The following DERL1 variants were observed in gnomAD, a reference collection of about 807,000 sequenced individuals.
DERL1 encodes derlin 1.
DERL1 carries 24 observed loss-of-function variants against 41.6 expected under a neutral mutation model. That is an observed-to-expected ratio of 0.58 (90% CI 0.42 to 0.81). The LOEUF (loss-of-function observed/expected upper bound fraction) is 0.81. Ranked by LOEUF, DERL1 falls within the 30% of genes least tolerant of loss-of-function variation. The probability of loss-of-function intolerance (pLI) is 0.00; values close to 1 mark genes in which losing one functional copy is unlikely to be tolerated. For synonymous variants in DERL1, 124 were observed against 112.5 expected, an observed-to-expected ratio of 1.10 and a Z score of -0.65; for missense variants, 260 against 314.3, an observed-to-expected ratio of 0.83 and a Z score of 1.31.
At chr8:123,025,678 G>C (rs1812668482) in intron 2 of DERL1, 1 of 152,328 alleles carries the variant, frequency 6.6e-6, no homozygotes, top group Non-Finnish European at 1.5e-5. Context: ...ATTCTACCAA[G>C]GGAAAACAAT....
Position 123,019,301 on chromosome 8 carries a change from T to A in DERL1, c.511A>T (p.Ile171Phe). 2 of 1,609,738 alleles carry A rather than the reference T, an allele frequency of 1.2e-6. No individual in the cohort carries two copies. Among genetic ancestry groups the A allele is most frequent in the Non-Finnish European group, 1.7e-6 (2 of 1,176,212 alleles). ...ACCAGATTTCCAATAAGCTCATTGATTACCCTGCAAAGAGAGCCAAATGAG... is the reference window on the plus strand; with the variant it reads ...ACCAGATTTCCAATAAGCTCATTGAATACCCTGCAAAGAGAGCCAAATGAG... ...GFNYIIGGSV[I>F]NELIGNLVGH... The change falls in exon 7 of 8, where the codon ATC (isoleucine) becomes TTC (phenylalanine). Residue 171 changes from isoleucine to phenylalanine, a missense_variant. Ile to Phe is a conservative substitution (Grantham distance 21). Coordinates refer to ENST00000259512, the MANE Select transcript of DERL1 (RefSeq NM_024295.6).
At chr8:123,024,910 C>T in intron 3 of DERL1, 76 bp downstream of exon 3, 2 of 1,440,896 alleles carry the variant, frequency 1.4e-6, no homozygotes, top group African/African-American at 1.4e-5. Context: ...GAAACGTTTA[C>T]AGAATATGGT....
chr8:123,031,890 G>C (rs1263782041), intron 1 of DERL1, among the ~76,000 whole-genome samples: 2 of 152,086 alleles, frequency 1.3e-5, no homozygotes, highest in African/African-American at 2.4e-5. Context: ...AAATCTGCTA[G>C]AGCAACAGAC....
In DERL1 at chr8:123,030,651, C is replaced by T. The variant is rs368249278; in HGVS notation, c.219G>A (p.Leu73=). 65 of 1,611,542 alleles carry T rather than the reference C, an allele frequency of 4.0e-5. No individual in the cohort carries two copies. Among genetic ancestry groups the T allele is most frequent in the Non-Finnish European group, 5.3e-5 (63 of 1,179,230 alleles). Residue 73 remains leucine, a synonymous_variant, in exon 2 of 8, where the codon TTG becomes TTA. Transcript: ENST00000259512. ...PVGPGTGFLY[L]VNLYFLYQYS... is the part of the protein sequence containing the mutation. The stretch of plus-strand genomic sequence containing the variant: ...ACTGATATAAGAAATATAAATTGAC[C>T]AAATAAAGAAATCCAGTTCCTGGAC...
At chr8:123,027,649 C>A (rs915189271) in intron 2 of DERL1, among the ~76,000 whole-genome samples, 1 of 152,108 alleles carries the variant, frequency 6.6e-6, no homozygotes, top group Non-Finnish European at 1.5e-5. Flanking sequence ...ACCTAATAAT[C>A]CCACAAATTT....
chr8:123,035,811 T>A (rs1330621287), intron 1 of DERL1, among the ~76,000 whole-genome samples: 1 of 152,120 alleles, frequency 6.6e-6, no homozygotes, highest in African/African-American at 2.4e-5. Context: ...GCTAAAATCT[T>A]CTAAACAATC....
At chr8:123,037,524 G>A (rs1812953337) in intron 1 of DERL1, among the ~76,000 whole-genome samples, 2 of 152,132 alleles carry the variant, frequency 1.3e-5, no homozygotes, top group Admixed American at 1.3e-4. Context: ...AACTAGCAGG[G>A]GACTGAGCCA....
intron 1 of DERL1, among the ~76,000 whole-genome samples, chr8:123,036,564 C>T (rs1006433216): frequency 1.3e-5 from 2 of 152,088 alleles, no homozygotes; most frequent in African/African-American, 2.4e-5. Context: ...AAGCTATAAA[C>T]TTATTATACA....
chr8:123,017,668 C>G (rs147907721), intron 7 of DERL1: 1 of 152,088 alleles, frequency 6.6e-6, no homozygotes, highest in Non-Finnish European at 1.5e-5. Flanking sequence ...CTCCAGGGCT[C>G]GCTGATTTTG....
intron 5 of DERL1, 55 bp downstream of exon 5, chr8:123,022,627 GAA>G (rs1812590044): frequency 6.5e-6 from 10 of 1,531,356 alleles, no homozygotes; most frequent in Non-Finnish European, 9.0e-6. Flanking sequence ...TCTCTGGACT[GAA>G]GAGGGATTTC....
chr8:123,018,959 T>A, intron 7 of DERL1: 1 of 509,094 alleles, frequency 2.0e-6, no homozygotes, highest in Non-Finnish European at 3.5e-6. Context: ...CCTCCTGTAA[T>A]GTTGGAATCT....
At position 123,022,735 on chromosome 8, in the gene DERL1, G is replaced by C. The variant is rs764594068; in HGVS notation, c.402C>G (p.Ala134=). The stretch of plus-strand genomic sequence containing the variant: ...ATACAATCATGTCTCTGTTCAGCTG[G>C]GCCCAGACATAAAGTACTGACATGA... ...PLIMSVLYVW[A]QLNRDMIVSF... Residue 134 remains alanine, a synonymous_variant, in exon 5 of 8, where the codon GCC becomes GCG. Transcript: ENST00000259512. 1 of 1,614,064 alleles carries C rather than the reference G, an allele frequency of 6.2e-7. No individual in the cohort carries two copies.
intron 2 of DERL1, chr8:123,025,882 G>T (rs961490483): frequency 6.6e-6 from 1 of 152,064 alleles, no homozygotes; most frequent in African/African-American, 2.4e-5. Context: ...CAGTGCTCCT[G>T]TCACTGCGCC....
In DERL1 at chr8:123,015,563, T is replaced by C; in HGVS notation, c.640A>G (p.Arg214Gly). The C allele has an allele frequency of 6.2e-7, 1 of 1,610,878 alleles. No homozygotes were observed. Among genetic ancestry groups the C allele is most frequent in the Non-Finnish European group, 8.5e-7 (1 of 1,178,548 alleles). Residue 214 changes from arginine to glycine, a missense_variant, in exon 8 of 8, where the codon AGA (arginine) becomes GGA (glycine). By Grantham distance (125) the Arg-to-Gly change is moderately radical. Transcript: ENST00000259512. The stretch of plus-strand genomic sequence containing the variant: ...ACACCAAATCCTGATACTCCTCCTC[T>C]CCTACTGGGCAGCCAGCGGTACCTG... ...QFLYRWLPSRRGGVSGFGVPP... is the reference protein window; with the variant it reads ...QFLYRWLPSRGGGVSGFGVPP...
intron 1 of DERL1, among the ~76,000 whole-genome samples, chr8:123,036,257 G>A (rs1049049437): frequency 1.3e-5 from 2 of 152,128 alleles, no homozygotes; most frequent in African/African-American, 4.8e-5. Context: ...ATTAATAGCT[G>A]AATGAGTAAA....
At chr8:123,020,526 G>C (rs1322297537) in intron 6 of DERL1, among the ~76,000 whole-genome samples, 1 of 151,822 alleles carries the variant, frequency 6.6e-6, no homozygotes, top group Non-Finnish European at 1.5e-5. Context: ...TGAAGAAATG[G>C]GAGTTCTTAG....
chr8:123,023,157 T>C (rs567583314), intron 4 of DERL1, among the ~76,000 whole-genome samples: 1 of 152,252 alleles, frequency 6.6e-6, no homozygotes, highest in Non-Finnish European at 1.5e-5. Flanking sequence ...ACCATTATTG[T>C]CAATGTTCAA....
intron 1 of DERL1, among the ~76,000 whole-genome samples, chr8:123,039,291 C>T (rs1054674420): frequency 6.6e-6 from 1 of 152,202 alleles, no homozygotes; most frequent in Non-Finnish European, 1.5e-5. Flanking sequence ...GGCAATCTGT[C>T]AGTCCTTTGT....
intron 5 of DERL1, among the ~76,000 whole-genome samples, chr8:123,022,469 C>T (rs773630007): frequency 6.7e-6 from 1 of 148,630 alleles, no homozygotes; most frequent in Non-Finnish European, 1.5e-5. Flanking sequence ...TTGAGGGGCC[C>T]GAGGTACAGA....
Sources: gnomAD v4.1 joint callset for allele counts (sites outside exome capture counted in the v4.1 genomes callset) on GRCh38, gnomAD v4.1.1 for gene constraint, MANE v1.5 for transcripts, NCBI Gene and HGNC (gene_info 2026-07-23, HGNC 2026-07-21) for gene names.